Variants in CLVS1 observed in about 807,000 individuals in gnomAD.
CLVS1 encodes clavesin-1.
Under a neutral mutation model 33.1 loss-of-function variants are expected in CLVS1, and 10 were observed. That is an observed-to-expected ratio of 0.30 (90% confidence interval 0.19 to 0.51). CLVS1 has a LOEUF of 0.51. CLVS1 is among the 20% of genes least tolerant of loss of function. CLVS1 has a pLI of 0.97. For missense variants in CLVS1, 343 were observed against 433.4 expected, an observed-to-expected ratio of 0.79 and a Z score of 1.85; for synonymous variants, 163 against 166.1, an observed-to-expected ratio of 0.98 and a Z score of 0.14.
intron 3 of CLVS1, among the ~76,000 whole-genome samples, chr8:61,407,773 T>C (rs1434727178): frequency 6.6e-6 from 1 of 152,248 alleles, no homozygotes; most frequent in African/African-American, 2.4e-5. Flanking sequence ...ATTCTGAATT[T>C]CAGGGATCTC....
chr8:61,176,946 A>AG lies in CLVS1; in HGVS notation c.-152+45091dup, dbSNP rs529921294. On this transcript the variant is annotated intron_variant, in intron 2 of 2. Transcript: ENST00000522621. ...ATCTGCCTAAGTCTGCTGAGTTCCC[A>AG]GGGGGAGTGGTGGCCAGCACCACAG... Among the ~76,000 whole-genome samples the AG allele has an allele frequency of 2.1e-4, 32 of 152,288 alleles. No homozygotes were observed. The South Asian group carries it at 6.4e-3, about 31-fold the overall frequency.
chr8:61,136,722 AG>A (rs1467283983), intron 2 of CLVS1, among the ~76,000 whole-genome samples: 1 of 152,200 alleles, frequency 6.6e-6, no homozygotes, highest in Non-Finnish European at 1.5e-5. Context: ...GATCAGGAAA[AG>A]TAACTAATGG....
chr8:61,192,709 G>C (rs1807518129), intron 2 of CLVS1, among the ~76,000 whole-genome samples: 1 of 152,140 alleles, frequency 6.6e-6, no homozygotes, highest in African/African-American at 2.4e-5. Flanking sequence ...AGTGGGCAAA[G>C]GATATGAACA....
chr8:61,198,580 A>G (rs2129304397), intron 2 of CLVS1, among the ~76,000 whole-genome samples: 1 of 152,324 alleles, frequency 6.6e-6, no homozygotes, highest in East Asian at 1.9e-4. Context: ...GTGTTTCACC[A>G]TGTTGGCCAG....
intron 2 of CLVS1, among the ~76,000 whole-genome samples, chr8:61,191,135 C>T (rs145226881): frequency 0.049 from 7,394 of 152,094 alleles, 586 homozygotes; most frequent in East Asian, 0.4. Context: ...AATAAAATAC[C>T]GGAAAACTGA....
At chr8:61,025,125 G>T in the CLVS1 span, among the ~76,000 whole-genome samples, 1 of 152,132 alleles carries the variant, frequency 6.6e-6, no homozygotes, top group Non-Finnish European at 1.5e-5. Flanking sequence ...GGGATTACAG[G>T]CATGAGCCAC....
chr8:61,412,145 T>G (rs534354565), intron 3 of CLVS1, among the ~76,000 whole-genome samples: 2 of 152,312 alleles, frequency 1.3e-5, no homozygotes, highest in Non-Finnish European at 1.5e-5. Context: ...GATAAAATGA[T>G]GGGAAAGGCA....
chr8:61,019,188 G>A, the CLVS1 span, among the ~76,000 whole-genome samples: 3 of 152,262 alleles, frequency 2.0e-5, no homozygotes, highest in Non-Finnish European at 4.4e-5. Flanking sequence ...AAGCATGAGA[G>A]TAGGCAGTCC....
At chr8:61,384,841 A>G (rs117673127) in intron 3 of CLVS1, among the ~76,000 whole-genome samples, 300 of 152,342 alleles carry the variant, frequency 2.0e-3, no homozygotes, top group Non-Finnish European at 3.6e-3. Context: ...GCAATACATC[A>G]TGAACAAGTT....
the CLVS1 span, among the ~76,000 whole-genome samples, chr8:60,991,045 T>C: frequency 2.6e-5 from 4 of 152,138 alleles, no homozygotes; most frequent in Non-Finnish European, 2.9e-5. Context: ...ACCTATCTTA[T>C]GCAAAATTGA....
intron 3 of CLVS1, among the ~76,000 whole-genome samples, chr8:61,437,351 A>C (rs992913254): frequency 6.6e-6 from 1 of 152,244 alleles, no homozygotes; most frequent in African/African-American, 2.4e-5. Flanking sequence ...AATCTCTTGA[A>C]GCTACCTTCA....
chr8:61,447,299 C>A (rs1031833648), intron 3 of CLVS1, among the ~76,000 whole-genome samples: 1 of 152,006 alleles, frequency 6.6e-6, no homozygotes, highest in African/African-American at 2.4e-5. Flanking sequence ...TTATGGACAG[C>A]ATATATAGCA....
At chr8:61,489,092 C>T (rs1010358257) in intron 5 of CLVS1, among the ~76,000 whole-genome samples, 3 of 152,124 alleles carry the variant, frequency 2.0e-5, no homozygotes, top group Non-Finnish European at 2.9e-5. Flanking sequence ...GGATAAAGTA[C>T]GATTCTATAA....
chr8:61,490,323 C>CAA (rs112419815), intron 5 of CLVS1, among the ~76,000 whole-genome samples: 3 of 86,636 alleles, frequency 3.5e-5, no homozygotes, highest in Admixed American at 1.2e-4. Context: ...AACTCCGTCT[C>CAA]AAAAAAAAAA....
the CLVS1 span, among the ~76,000 whole-genome samples, chr8:61,005,929 G>T: frequency 5.9e-5 from 9 of 152,150 alleles, no homozygotes; most frequent in Non-Finnish European, 1.2e-4. Flanking sequence ...GTTGACTAGT[G>T]CTGCCTCATT....
intron 3 of CLVS1, among the ~76,000 whole-genome samples, chr8:61,442,151 A>G (rs890999587): frequency 6.6e-6 from 1 of 152,184 alleles, no homozygotes; most frequent in African/African-American, 2.4e-5. Flanking sequence ...CATTTCAATA[A>G]TGATTTCATC....
chr8:61,245,349 AT>A (rs376342998), intron 2 of CLVS1, among the ~76,000 whole-genome samples: 13 of 149,076 alleles, frequency 8.7e-5, no homozygotes, highest in South Asian at 6.4e-4. Context: ...TGCCTGGGTA[AT>A]TTTTTTTTTG....
chr8:61,133,651 G>A (rs555900553), intron 2 of CLVS1, among the ~76,000 whole-genome samples: 74 of 152,246 alleles, frequency 4.9e-4, no homozygotes, highest in African/African-American at 1.7e-3. Context: ...GCCAGAGGAC[G>A]CTACACTGCC....
the CLVS1 span, among the ~76,000 whole-genome samples, chr8:60,973,666 G>A: frequency 6.6e-6 from 1 of 152,168 alleles, no homozygotes; most frequent in Non-Finnish European, 1.5e-5. Flanking sequence ...TTTGACTTGG[G>A]GTTTTATATG....
Sources: allele counts gnomAD v4.1 joint callset (sites outside exome capture counted in the v4.1 genomes callset), GRCh38; gene constraint gnomAD v4.1.1; transcripts MANE v1.5; gene names NCBI Gene and HGNC (gene_info 2026-07-23, HGNC 2026-07-21).